The following NPAS3 variants were observed in gnomAD, a reference collection of about 807,000 sequenced individuals.
NPAS3 encodes the protein neuronal PAS domain protein 3.
In NPAS3, 14 loss-of-function variants were observed where a neutral mutation model predicts 73.1. The ratio of observed to expected loss-of-function variants is 0.19; its 90% CI spans 0.13 to 0.30. The LOEUF (loss-of-function observed/expected upper bound fraction) is 0.30, where lower values mean the gene tolerates loss of function less well. Among genes scored for constraint, NPAS3 ranks in the 10% least tolerant of loss-of-function variants. NPAS3 has a pLI of 1.00. For synonymous variants in NPAS3, 620 were observed against 541.5 expected (o/e 1.14, Z -2.01); for missense variants, 1,096 against 1,250.0 (o/e 0.88, Z 1.86).
At chr14:33,789,953 G>C (rs1356759189) in intron 9 of NPAS3, among the ~76,000 whole-genome samples, 1 of 152,186 alleles carries the variant, frequency 6.6e-6, no homozygotes, top group African/African-American at 2.4e-5. Flanking sequence ...TTCAGCGAGA[G>C]ACACACAGGT....
chr14:33,751,022 C>A (rs993144054), intron 7 of NPAS3, among the ~76,000 whole-genome samples: 3 of 152,050 alleles, frequency 2.0e-5, no homozygotes, highest in African/African-American at 7.2e-5. Flanking sequence ...GAGATGAAGG[C>A]ATCAAGTGTA....
chr14:33,623,758 A>G (rs1451494799), intron 5 of NPAS3, among the ~76,000 whole-genome samples: 2 of 152,106 alleles, frequency 1.3e-5, no homozygotes, highest in Non-Finnish European at 2.9e-5. Flanking sequence ...GTTGTCTTTC[A>G]CTTCCATCCA....
At chr14:33,766,831 C>A (rs2062477916) in intron 7 of NPAS3, among the ~76,000 whole-genome samples, 1 of 152,188 alleles carries the variant, frequency 6.6e-6, no homozygotes, top group Admixed American at 6.5e-5. Context: ...TGCATTGTCA[C>A]CCCCTCCCTG....
chr14:33,694,442 G>A (rs1395431388), intron 6 of NPAS3, among the ~76,000 whole-genome samples: 1 of 152,160 alleles, frequency 6.6e-6, no homozygotes, highest in African/African-American at 2.4e-5. Flanking sequence ...GAAGGAACCT[G>A]CGTATAACAT....
At chr14:33,335,270 C>T (rs1221871636) in intron 3 of NPAS3, among the ~76,000 whole-genome samples, 1 of 152,050 alleles carries the variant, frequency 6.6e-6, no homozygotes, top group South Asian at 2.1e-4. Context: ...TTGATCCAGG[C>T]AGTTTATTCT....
At chr14:33,686,912 T>C (rs940059461) in intron 6 of NPAS3, among the ~76,000 whole-genome samples, 5 of 152,202 alleles carry the variant, frequency 3.3e-5, no homozygotes, top group Non-Finnish European at 5.9e-5. Flanking sequence ...ACTGGCTCAT[T>C]TATTTTTATA....
At chr14:32,965,702 T>C (rs141299942) in intron 1 of NPAS3, among the ~76,000 whole-genome samples, 1 of 152,270 alleles carries the variant, frequency 6.6e-6, no homozygotes, top group Non-Finnish European at 1.5e-5. Flanking sequence ...ACTGAAATCC[T>C]AGCCAGAGCA....
At chr14:33,053,920 T>C (rs1177763462) in intron 1 of NPAS3, among the ~76,000 whole-genome samples, 2 of 152,196 alleles carry the variant, frequency 1.3e-5, no homozygotes, top group East Asian at 3.8e-4. Flanking sequence ...TTCTCAGTAC[T>C]TTAATTTTTA....
intron 2 of NPAS3, among the ~76,000 whole-genome samples, chr14:33,151,603 C>G (rs2044446844): frequency 6.6e-6 from 1 of 152,164 alleles, no homozygotes; most frequent in African/African-American, 2.4e-5. Context: ...TATGGGATTA[C>G]ATATTTCACA....
chr14:33,736,328 C>G (rs901684806), intron 7 of NPAS3, among the ~76,000 whole-genome samples: 2 of 152,132 alleles, frequency 1.3e-5, no homozygotes, highest in African/African-American at 4.8e-5. Context: ...GATATTAATT[C>G]TTCAGAAAAA....
At chr14:33,434,510 G>A (rs2048905204) in intron 4 of NPAS3, among the ~76,000 whole-genome samples, 2 of 150,818 alleles carry the variant, frequency 1.3e-5, no homozygotes, top group South Asian at 4.2e-4. Context: ...CTGGGTGACA[G>A]CAAGACCCCA....
At chr14:33,022,924 G>A (rs1015937347) in intron 1 of NPAS3, among the ~76,000 whole-genome samples, 7 of 152,122 alleles carry the variant, frequency 4.6e-5, no homozygotes, top group African/African-American at 1.7e-4. Context: ...AAAAGTTGAG[G>A]CATGTGACTT....
At chr14:33,131,672 T>C (rs2043639782) in intron 2 of NPAS3, among the ~76,000 whole-genome samples, 1 of 152,196 alleles carries the variant, frequency 6.6e-6, no homozygotes, top group Non-Finnish European at 1.5e-5. Flanking sequence ...GCTGCTCGTA[T>C]GTGTGCATGT....
rs984771358 is a variant in NPAS3 at position 32,988,390 on chromosome 14, G to A, written c.50+49024G>A. 5.9e-5 allele frequency among the ~76,000 whole-genome samples: 9 copies of A among 152,168 alleles called. No homozygotes were observed. In the East Asian group the frequency reaches 1.7e-3, roughly 29 times the overall value. ...ATAAAAAGTAATTCCTTTGGTATAC[G>A]ATAGTAGTTTAGAAACAGACACATC... On this transcript the variant is annotated intron_variant, in intron 1 of 11. Coordinates refer to ENST00000356141, the Ensembl canonical transcript of NPAS3.
chr14:33,384,873 A>G (rs373218872), intron 4 of NPAS3, among the ~76,000 whole-genome samples: 1 of 152,328 alleles, frequency 6.6e-6, no homozygotes, highest in East Asian at 1.9e-4. Context: ...GTATCAGTCA[A>G]ACAAACTTCA....
At chr14:33,512,496 A>C (rs2053102481) in intron 4 of NPAS3, among the ~76,000 whole-genome samples, 1 of 152,048 alleles carries the variant, frequency 6.6e-6, no homozygotes, top group Non-Finnish European at 1.5e-5. Flanking sequence ...CTTATAAATG[A>C]CTCAAATGTT....
At chr14:33,011,996 C>G (rs2039216880) in intron 1 of NPAS3, among the ~76,000 whole-genome samples, 1 of 151,874 alleles carries the variant, frequency 6.6e-6, no homozygotes, top group Non-Finnish European at 1.5e-5. Context: ...AGACCTGTTT[C>G]TCCATATAAA....
intron 3 of NPAS3, among the ~76,000 whole-genome samples, chr14:33,325,152 C>G (rs1474213470): frequency 1.3e-5 from 2 of 151,882 alleles, no homozygotes; most frequent in Admixed American, 6.6e-5. Flanking sequence ...TTTGATGAAC[C>G]AATTTTTTTT....
At chr14:33,131,990 G>T (rs2043655075) in intron 2 of NPAS3, among the ~76,000 whole-genome samples, 1 of 152,134 alleles carries the variant, frequency 6.6e-6, no homozygotes, top group Non-Finnish European at 1.5e-5. Context: ...GGGCTGAACA[G>T]GTGATTGAGA....
Sources: gnomAD v4.1 joint callset for allele counts (sites outside exome capture counted in the v4.1 genomes callset) on GRCh38, gnomAD v4.1.1 for gene constraint, MANE v1.5 for transcripts, NCBI Gene and HGNC (gene_info 2026-07-23, HGNC 2026-07-21) for gene names.